THSD7A: variants seen among roughly 807,000 people sequenced by gnomAD.
THSD7A encodes the protein thrombospondin type 1 domain containing 7A, also known as thrombospondin type-1 domain-containing protein 7A.
In THSD7A, 96 loss-of-function variants were observed where a neutral mutation model predicts 231.3. The ratio of observed to expected loss-of-function variants is 0.41; its 90% CI spans 0.35 to 0.49. The LOEUF (loss-of-function observed/expected upper bound fraction) is 0.49, where lower values mean the gene tolerates loss of function less well. THSD7A is among the 20% of genes least tolerant of loss of function. The probability of loss-of-function intolerance (pLI) is 0.05; values close to 1 mark genes in which losing one functional copy is unlikely to be tolerated. For missense variants in THSD7A, 2,290 were observed against 2,070.2 expected (o/e 1.11, Z -2.06); for synonymous variants, 940 against 743.3 (o/e 1.26, Z -4.30).
intron 23 of THSD7A, chr7:11,385,630 T>C (rs1208990978): frequency 6.6e-6 from 1 of 151,870 alleles, no homozygotes; most frequent in Non-Finnish European, 1.5e-5. Flanking sequence ...GTTATCTTTG[T>C]ATTTCAACAA....
chr7:11,506,971 G>A lies in THSD7A; in HGVS notation c.1823-24989C>T, dbSNP rs151225643. On this transcript the variant is annotated intron_variant, in intron 6 of 27. Coordinates refer to ENST00000423059, the MANE Select transcript of THSD7A (RefSeq NM_015204.3). ...ATTTTCTGTCTCTTCTCCCTACAATGTAAGTTCTACCAGGTCAGGGGTACT... is the reference window on the plus strand; with the variant it reads ...ATTTTCTGTCTCTTCTCCCTACAATATAAGTTCTACCAGGTCAGGGGTACT... 8.9e-3 allele frequency among the ~76,000 whole-genome samples: 1,353 copies of A among 152,158 alleles called. 6 individuals are homozygous for A. The highest frequency in any genetic ancestry group is 0.014 in the Middle Eastern group (4 of 294).
intron 4 of THSD7A, among the ~76,000 whole-genome samples, chr7:11,564,144 T>C (rs369107077): frequency 6.6e-6 from 1 of 152,224 alleles, no homozygotes; most frequent in Admixed American, 6.5e-5. Flanking sequence ...TAGATAAGGT[T>C]CTTTCCAAAT....
chr7:11,799,228 C>G (rs981102255), intron 1 of THSD7A, among the ~76,000 whole-genome samples: 14 of 152,068 alleles, frequency 9.2e-5, no homozygotes, highest in Non-Finnish European at 5.9e-5. Context: ...GCCTTACCAA[C>G]TTTTATGATT....
At chr7:11,460,099 A>G (rs1785448595) in intron 11 of THSD7A, among the ~76,000 whole-genome samples, 1 of 152,104 alleles carries the variant, frequency 6.6e-6, no homozygotes, top group Non-Finnish European at 1.5e-5. Flanking sequence ...CATTTCTGCA[A>G]GATTCCACGT....
intron 1 of THSD7A, among the ~76,000 whole-genome samples, chr7:11,724,833 A>G (rs888310649): frequency 6.6e-5 from 10 of 151,940 alleles, no homozygotes; most frequent in African/African-American, 2.4e-4. Flanking sequence ...AAAGCCATGG[A>G]TGAAATGCCT....
intron 22 of THSD7A, among the ~76,000 whole-genome samples, chr7:11,404,703 C>A (rs1340890395): frequency 1.3e-5 from 2 of 152,178 alleles, no homozygotes; most frequent in African/African-American, 4.8e-5. Context: ...GGCAGCAACA[C>A]TTTGCCTGGC....
At chr7:11,710,503 C>G (rs1255882355) in intron 1 of THSD7A, among the ~76,000 whole-genome samples, 1 of 150,744 alleles carries the variant, frequency 6.6e-6, no homozygotes, top group Non-Finnish European at 1.5e-5. Flanking sequence ...ACCTGAAAGT[C>G]CCAAGGAAGT....
At chr7:11,709,045 T>C (rs181870825) in intron 1 of THSD7A, among the ~76,000 whole-genome samples, 90 of 150,896 alleles carry the variant, frequency 6.0e-4, no homozygotes, top group Non-Finnish European at 1.0e-3. Flanking sequence ...CATGACTCAC[T>C]GGAAACTGAA....
At chr7:11,666,630 T>A (rs1783143232) in intron 1 of THSD7A, among the ~76,000 whole-genome samples, 1 of 151,860 alleles carries the variant, frequency 6.6e-6, no homozygotes, top group Non-Finnish European at 1.5e-5. Flanking sequence ...ATTATAATTA[T>A]CTTGATTGTA....
chr7:11,670,817 G>A (rs1463716646), intron 1 of THSD7A, among the ~76,000 whole-genome samples: 6 of 152,072 alleles, frequency 3.9e-5, no homozygotes, highest in Middle Eastern at 3.4e-3. Context: ...AAAAAAACAG[G>A]GTTCAATACT....
intron 1 of THSD7A, among the ~76,000 whole-genome samples, chr7:11,717,436 C>T (rs1781178675): frequency 6.6e-6 from 1 of 151,668 alleles, no homozygotes; most frequent in African/African-American, 2.4e-5. Context: ...CCTCTCCTCA[C>T]CACTCCTACC....
chr7:11,751,018 A>G (rs10262283), intron 1 of THSD7A: 5,020 of 152,096 alleles, frequency 0.033, 289 homozygotes, highest in African/African-American at 0.12. Context: ...ATCCCACCAC[A>G]TAATCACATT....
intron 1 of THSD7A, among the ~76,000 whole-genome samples, chr7:11,756,040 C>T (rs1021969421): frequency 6.6e-6 from 1 of 152,028 alleles, no homozygotes; most frequent in Admixed American, 6.6e-5. Context: ...ATAAAAGACA[C>T]TTATCTCATA....
At chr7:11,617,872 T>G (rs1251882508) in intron 2 of THSD7A, among the ~76,000 whole-genome samples, 2 of 152,010 alleles carry the variant, frequency 1.3e-5, no homozygotes, top group African/African-American at 4.8e-5. Flanking sequence ...AGCACTAGGA[T>G]ATATACCTAA....
intron 1 of THSD7A, among the ~76,000 whole-genome samples, chr7:11,707,689 GAC>G (rs1780815085): frequency 6.6e-6 from 1 of 150,762 alleles, no homozygotes; most frequent in Non-Finnish European, 1.5e-5. Flanking sequence ...GCAGCTTCAA[GAC>G]CCAAAGGAAT....
chr7:11,493,177 G>C (rs1359745568), intron 6 of THSD7A, among the ~76,000 whole-genome samples: 1 of 152,096 alleles, frequency 6.6e-6, no homozygotes, highest in Non-Finnish European at 1.5e-5. Flanking sequence ...GACAAAGAAA[G>C]TGTCTATTAA....
In THSD7A at chr7:11,420,509, T is replaced by G. The variant is rs138328706; in HGVS notation, c.3384-2906A>C. 1.1e-3 allele frequency among the ~76,000 whole-genome samples: 165 copies of G among 152,300 alleles called. 1 individual carries two copies. Among genetic ancestry groups the G allele is most frequent in the African/African-American group, 3.5e-3 (146 of 41,582 alleles). On this transcript the variant is annotated intron_variant, in intron 16 of 27. Transcript: ENST00000423059. ...CAGGCTTGGGAGCCTCCACCCGGAT[T>G]TCAGAGGATGTATGGAAATGCCTGG...
intron 1 of THSD7A, among the ~76,000 whole-genome samples, chr7:11,766,289 C>G (rs1036294278): frequency 6.6e-6 from 1 of 152,168 alleles, no homozygotes; most frequent in Non-Finnish European, 1.5e-5. Context: ...CAGCAAAGGT[C>G]ACTCAATCTA....
At chr7:11,740,174 G>T (rs1782061165) in intron 1 of THSD7A, among the ~76,000 whole-genome samples, 1 of 151,900 alleles carries the variant, frequency 6.6e-6, no homozygotes, top group South Asian at 2.1e-4. Context: ...CTTCAAGGTA[G>T]TCCTAGGACA....
Sources: allele counts gnomAD v4.1 joint callset (sites outside exome capture counted in the v4.1 genomes callset), GRCh38; gene constraint gnomAD v4.1.1; transcripts MANE v1.5; gene names NCBI Gene and HGNC (gene_info 2026-07-23, HGNC 2026-07-21).